Variants in CSMD1 observed in about 807,000 individuals in gnomAD.
CSMD1 encodes CUB and sushi domain-containing protein 1.
A neutral mutation model predicts 417.5 loss-of-function variants in CSMD1; 213 were observed. That is an observed-to-expected ratio of 0.51 (90% CI 0.46 to 0.57). CSMD1 has a LOEUF of 0.57. Ranked by LOEUF, CSMD1 falls within the 20% of genes least tolerant of loss-of-function variation. The pLI is 0.00. For synonymous variants in CSMD1, 2,862 were observed against 1,736.8 expected (o/e 1.65, Z -16.11); for missense variants, 6,923 against 4,529.7 (o/e 1.53, Z -15.17).
chr8:4,622,823 G>A (rs1801860198), intron 2 of CSMD1, among the ~76,000 whole-genome samples: 1 of 152,110 alleles, frequency 6.6e-6, no homozygotes, highest in African/African-American at 2.4e-5. Context: ...AAGTTGAGCT[G>A]CCTCTCTTTG....
rs112962433 is a variant in CSMD1 at position 4,032,161 on chromosome 8, T to C, written c.416-62A>G. On this transcript the variant is annotated intron_variant, in intron 3 of 69. Transcript: ENST00000635120. Reference sequence around the variant, plus strand: ...TAAATTTTCCATGGAGAGCCACTTATAAGATAAAACAGACACCATTTTTGA... The same window carrying C: ...TAAATTTTCCATGGAGAGCCACTTACAAGATAAAACAGACACCATTTTTGA... The C allele has an allele frequency of 6.7e-3, 8,769 of 1,301,262 alleles. 31 individuals carry two copies. Among genetic ancestry groups the C allele is most frequent in the Non-Finnish European group, 7.7e-3 (7,148 of 926,584 alleles). 80.6% of individuals were successfully genotyped at this position (1,301,262 alleles called of 1,614,324 possible).
At chr8:3,945,783 G>T (rs17068125) in intron 5 of CSMD1, among the ~76,000 whole-genome samples, 1 of 152,086 alleles carries the variant, frequency 6.6e-6, no homozygotes, top group African/African-American at 2.4e-5. Context: ...GAAAGTAGAT[G>T]AGAAGCAATT....
At chr8:3,317,440 TG>T (rs1329876221) in intron 23 of CSMD1, among the ~76,000 whole-genome samples, 1 of 152,186 alleles carries the variant, frequency 6.6e-6, no homozygotes, top group Non-Finnish European at 1.5e-5. Flanking sequence ...CACACAAGTG[TG>T]GACTTGTATT....
At chr8:4,810,703 G>T (rs139809885) in intron 1 of CSMD1, among the ~76,000 whole-genome samples, 1 of 152,046 alleles carries the variant, frequency 6.6e-6, no homozygotes, top group East Asian at 1.9e-4. Context: ...ATGAGATTCC[G>T]TCATCTGGAA....
intron 7 of CSMD1, among the ~76,000 whole-genome samples, chr8:3,671,499 ATATATATATATATGATCATATATATG>A (rs1799038560): frequency 1.1e-3 from 6 of 5,666 alleles, no homozygotes. Context: ...ATATGATCAT[ATATATATATATATGATCATATATATG>A]ATCATATATA....
At position 3,087,125 on chromosome 8, in the gene CSMD1, C is replaced by A. The variant is rs1246951749; in HGVS notation, c.7446G>T (p.Gln2482His). Residue 2482 changes from glutamine (Q) to histidine (H), a missense_variant, in exon 49 of 70, where the codon CAG becomes CAT. Coordinates refer to ENST00000635120, the MANE Select transcript of CSMD1 (RefSeq NM_033225.6). ...GGCAGAGTGGCGTGAGGGAGTCCCA[C>A]TGGTACATGCCAAGTGGGTTTCGTC... ...TCRRNPLGMY[Q>H]WDSLTPLCQA... 2 of 1,613,516 alleles carry A rather than the reference C, an allele frequency of 1.2e-6. No homozygotes were observed. The highest frequency in any genetic ancestry group is 2.2e-5 in the East Asian group (1 of 44,880).
chr8:4,046,244 T>C (rs1377337657), intron 3 of CSMD1, among the ~76,000 whole-genome samples: 4 of 152,200 alleles, frequency 2.6e-5, no homozygotes, highest in African/African-American at 9.6e-5. Flanking sequence ...TCATGTGGCA[T>C]TATCTTTTAT....
chr8:3,958,356 T>A (rs1812110139), intron 5 of CSMD1, among the ~76,000 whole-genome samples: 1 of 151,372 alleles, frequency 6.6e-6, no homozygotes, highest in Admixed American at 6.6e-5. Context: ...TCTTTGAACA[T>A]TAACTTTTAA....
chr8:3,262,204 T>TATATATATATATATATATATAC (rs1801127218), intron 26 of CSMD1, among the ~76,000 whole-genome samples: 1 of 90,600 alleles, frequency 1.1e-5, no homozygotes, highest in Non-Finnish European at 2.5e-5. Context: ...TATATATATA[T>TATATATATATATATATATATAC]ATATATATAT....
intron 12 of CSMD1, among the ~76,000 whole-genome samples, chr8:3,430,794 G>C (rs1393847): frequency 1.3e-5 from 2 of 152,026 alleles, no homozygotes; most frequent in East Asian, 1.9e-4. Context: ...GTAACAGAAC[G>C]AGACTCCATT....
chr8:4,831,674 T>C (rs949927919), intron 1 of CSMD1, among the ~76,000 whole-genome samples: 1 of 152,194 alleles, frequency 6.6e-6, no homozygotes, highest in African/African-American at 2.4e-5. Flanking sequence ...TTTTTGTTCA[T>C]ACTTCAATGA....
intron 3 of CSMD1, among the ~76,000 whole-genome samples, chr8:4,350,902 G>T (rs1295215749): frequency 2.0e-5 from 3 of 152,170 alleles, no homozygotes; most frequent in Non-Finnish European, 4.4e-5. Flanking sequence ...GCATTCTAAG[G>T]TGGGCCGTGC....
chr8:3,088,080 T>C (rs1179139181), intron 48 of CSMD1, among the ~76,000 whole-genome samples: 3 of 152,232 alleles, frequency 2.0e-5, no homozygotes, highest in Non-Finnish European at 4.4e-5. Flanking sequence ...ATGCATTCTC[T>C]TGAGTCAATT....
At chr8:4,051,860 C>T (rs868602145) in intron 3 of CSMD1, among the ~76,000 whole-genome samples, 30 of 34,740 alleles carry the variant, frequency 8.6e-4, no homozygotes, top group African/African-American at 3.0e-3. Context: ...TTTTCTCTTT[C>T]TTTCTTTCCT....
intron 1 of CSMD1, among the ~76,000 whole-genome samples, chr8:4,877,907 T>C (rs1270842751): frequency 6.6e-6 from 1 of 151,948 alleles, no homozygotes; most frequent in African/African-American, 2.4e-5. Flanking sequence ...GAGAAGGAAA[T>C]TTCCATCATG....
chr8:4,202,840 C>G (rs1028770234), intron 3 of CSMD1, among the ~76,000 whole-genome samples: 10 of 152,140 alleles, frequency 6.6e-5, no homozygotes, highest in African/African-American at 9.7e-5. Context: ...GAAGCTGAAA[C>G]TTGAAACATC....
chr8:4,453,898 TG>T (rs1489700934), intron 2 of CSMD1, among the ~76,000 whole-genome samples: 224 of 133,062 alleles, frequency 1.7e-3, no homozygotes, highest in African/African-American at 5.8e-3. Flanking sequence ...CTCGGCTCAC[TG>T]CCAGCTCCGC....
At chr8:3,910,268 C>A (rs1318606051) in intron 5 of CSMD1, among the ~76,000 whole-genome samples, 1 of 152,120 alleles carries the variant, frequency 6.6e-6, no homozygotes, top group Non-Finnish European at 1.5e-5. Context: ...CGTTTCCCAG[C>A]TGCTCAGCTC....
In CSMD1 at chr8:3,969,045, G is replaced by A. The variant is rs188959257; in HGVS notation, c.818+28858C>T. On this transcript the variant is annotated intron_variant, in intron 5 of 69. Coordinates refer to ENST00000635120, the MANE Select transcript of CSMD1 (RefSeq NM_033225.6). ...GCAGGTGGATCACTTGAGTTCAGGA[G>A]TTCGAGACCAGCCTGGACAACATGG... Among the ~76,000 whole-genome samples the A allele has an allele frequency of 3.9e-5, 6 of 152,154 alleles. No homozygotes were observed. In the East Asian group the frequency reaches 7.7e-4, roughly 20 times the overall value.
Sources: gnomAD v4.1 joint callset for allele counts (sites outside exome capture counted in the v4.1 genomes callset) on GRCh38, gnomAD v4.1.1 for gene constraint, MANE v1.5 for transcripts, NCBI Gene and HGNC (gene_info 2026-07-23, HGNC 2026-07-21) for gene names.